Variants in TMEM135 observed in about 807,000 individuals in gnomAD.
TMEM135 encodes the protein transmembrane protein 135.
A neutral mutation model predicts 60.3 loss-of-function variants in TMEM135; 30 were observed. That is an observed-to-expected ratio of 0.50 (90% CI 0.37 to 0.68). TMEM135 has a LOEUF of 0.68. TMEM135 is among the 30% of genes least tolerant of loss of function. The pLI is 0.00. For synonymous variants in TMEM135, 190 were observed against 186.7 expected (o/e 1.02, Z -0.14); for missense variants, 468 against 548.8 (o/e 0.85, Z 1.47).
chr11:87,209,000 C>A (rs543446353), intron 5 of TMEM135, among the ~76,000 whole-genome samples: 1 of 152,176 alleles, frequency 6.6e-6, no homozygotes, highest in Non-Finnish European at 1.5e-5. Context: ...AAATCCTTTT[C>A]AGACAAGCAA....
At chr11:87,132,504 A>T (rs530968324) in intron 4 of TMEM135, among the ~76,000 whole-genome samples, 1 of 152,182 alleles carries the variant, frequency 6.6e-6, no homozygotes, top group African/African-American at 2.4e-5. Flanking sequence ...TATAATGTAC[A>T]TGATATTGGA....
chr11:87,191,920 G>T (rs747913811), intron 5 of TMEM135, among the ~76,000 whole-genome samples: 6 of 150,916 alleles, frequency 4.0e-5, no homozygotes, highest in Non-Finnish European at 8.9e-5. Flanking sequence ...TCATCTGGAC[G>T]TGGGGCATTT....
chr11:87,040,380 C>A (rs1447592781), intron 1 of TMEM135, among the ~76,000 whole-genome samples: 1 of 152,070 alleles, frequency 6.6e-6, no homozygotes, highest in African/African-American at 2.4e-5. Flanking sequence ...GTGATCAGGC[C>A]AGGTGCAGTG....
chr11:87,144,525 C>T (rs1591053140), intron 4 of TMEM135, among the ~76,000 whole-genome samples: 1 of 152,174 alleles, frequency 6.6e-6, no homozygotes, highest in Admixed American at 6.5e-5. Flanking sequence ...GAAAGAAAGT[C>T]ATTCCCTTCA....
At chr11:87,076,512 C>G (rs1856876842) in intron 3 of TMEM135, among the ~76,000 whole-genome samples, 1 of 152,214 alleles carries the variant, frequency 6.6e-6, no homozygotes, top group Non-Finnish European at 1.5e-5. Flanking sequence ...CTCCAGGAGC[C>G]TGCTTGTTGC....
chr11:87,189,468 C>A (rs1169038970), intron 5 of TMEM135, among the ~76,000 whole-genome samples: 1 of 152,058 alleles, frequency 6.6e-6, no homozygotes, highest in Non-Finnish European at 1.5e-5. Context: ...GCCTGTCAGA[C>A]ATTTCTTAAT....
rs1330193973 is a variant in TMEM135, at chr11:87,038,167, T to C, written c.122T>C (p.Ile41Thr). 3.7e-6 allele frequency: 6 copies of C among 1,613,982 alleles called. No individual in the cohort carries two copies. The Admixed American group carries it at 5.0e-5, about 13-fold the overall frequency. Residue 41 changes from isoleucine (I) to threonine (T), a missense_variant, in exon 1 of 15, where the codon ATC (isoleucine) becomes ACC (threonine). Ile to Thr is a moderately conservative substitution (Grantham distance 89, BLOSUM62 -1). Transcript: ENST00000305494. ...GGCGCCCTGGAGGAGTCCCTGAAGA[T>C]CTATGCTCCTCTGTACTTGGTGAGA... ...TGGALEESLKIYAPLYLIAAI... is the reference protein window; with the variant it reads ...TGGALEESLKTYAPLYLIAAI...
chr11:87,202,005 GT>G (rs1303213332), intron 5 of TMEM135, among the ~76,000 whole-genome samples: 3 of 55,206 alleles, frequency 5.4e-5, no homozygotes, highest in African/African-American at 2.1e-4. Context: ...GTTATGTTAT[GT>G]TATGTAATGT....
intron 5 of TMEM135, among the ~76,000 whole-genome samples, chr11:87,162,520 C>A (rs935157786): frequency 6.6e-6 from 1 of 151,000 alleles, no homozygotes; most frequent in African/African-American, 2.4e-5. Context: ...TGGTTTCCAG[C>A]TTCATCTGTG....
rs780815531 is a variant in TMEM135 at position 87,324,850 on chromosome 11, C to T, written c.*3517C>T. On this transcript the variant is annotated 3_prime_UTR_variant, in exon 15 of 15. Coordinates refer to ENST00000305494, the MANE Select transcript of TMEM135 (RefSeq NM_022918.4). ...ATCTTATAAACATTCTCTCTCCTAA[C>T]ACCTCCTTCTAGTAATCATTTTCAC... is the stretch of plus-strand genomic sequence containing the variant. 4.4e-6 allele frequency: 2 copies of T among 453,906 alleles called. No individual in the cohort carries two copies. Among genetic ancestry groups the T allele is most frequent in the South Asian group, 1.6e-5 (1 of 64,444 alleles). 28.1% of individuals were successfully genotyped at this position (453,906 alleles called of 1,614,324 possible).
intron 3 of TMEM135, among the ~76,000 whole-genome samples, chr11:87,072,474 G>A (rs1403798685): frequency 2.0e-5 from 3 of 152,048 alleles, no homozygotes; most frequent in East Asian, 1.9e-4. Flanking sequence ...TCCGCCTCCC[G>A]AGTTCAAGCA....
chr11:87,242,749 T>C (rs1006522215), intron 6 of TMEM135, among the ~76,000 whole-genome samples: 11 of 141,070 alleles, frequency 7.8e-5, no homozygotes, highest in African/African-American at 2.6e-4. Context: ...ATTCTGGATA[T>C]TAGCCCTTTG....
chr11:87,189,793 T>C (rs1052833609), intron 5 of TMEM135, among the ~76,000 whole-genome samples: 6 of 148,474 alleles, frequency 4.0e-5, no homozygotes, highest in Non-Finnish European at 3.0e-5. Flanking sequence ...GGCATGTGCC[T>C]GTAGTCCCAG....
At chr11:87,255,448 A>G (rs779452745) in intron 6 of TMEM135, among the ~76,000 whole-genome samples, 2 of 152,220 alleles carry the variant, frequency 1.3e-5, no homozygotes, top group Non-Finnish European at 2.9e-5. Flanking sequence ...ATGTTTTATC[A>G]TAACTAAATA....
chr11:87,066,209 C>G (rs1469174064), intron 1 of TMEM135, among the ~76,000 whole-genome samples: 3 of 152,128 alleles, frequency 2.0e-5, no homozygotes, highest in African/African-American at 7.2e-5. Context: ...TTCTTACACC[C>G]TCTTACTCCT....
chr11:87,125,868 A>G (rs946833608), intron 4 of TMEM135, among the ~76,000 whole-genome samples: 2 of 152,224 alleles, frequency 1.3e-5, no homozygotes, highest in African/African-American at 4.8e-5. Flanking sequence ...CATTTAAACA[A>G]TCTTTACAGA....
chr11:87,252,108 G>C (rs1254228040), intron 6 of TMEM135, among the ~76,000 whole-genome samples: 1 of 151,988 alleles, frequency 6.6e-6, no homozygotes, highest in East Asian at 1.9e-4. Flanking sequence ...GAGGATTAAG[G>C]GTTTTTCTTT....
intron 3 of TMEM135, among the ~76,000 whole-genome samples, chr11:87,080,522 T>C (rs943502756): frequency 3.2e-4 from 48 of 152,350 alleles, no homozygotes; most frequent in African/African-American, 1.1e-3. Context: ...TGTCTATTTC[T>C]CTTTTTAATG....
At chr11:87,111,472 C>T (rs4351839) in intron 4 of TMEM135, among the ~76,000 whole-genome samples, 32 of 150,544 alleles carry the variant, frequency 2.1e-4, no homozygotes, top group Non-Finnish European at 4.3e-4. Flanking sequence ...ATGATGAAAC[C>T]CTGTCTCTAC....
Sources: gnomAD v4.1 joint callset for allele counts (sites outside exome capture counted in the v4.1 genomes callset) on GRCh38, gnomAD v4.1.1 for gene constraint, MANE v1.5 for transcripts, NCBI Gene and HGNC (gene_info 2026-07-23, HGNC 2026-07-21) for gene names.